TMEM244: variants seen among roughly 807,000 people sequenced by gnomAD.
TMEM244 encodes transmembrane protein 244.
TMEM244 carries 13 observed loss-of-function variants against 15.8 expected under a neutral mutation model. The observed-to-expected ratio is 0.82, with a 90% confidence interval of 0.53 to 1.30. The LOEUF (loss-of-function observed/expected upper bound fraction) is 1.30, where lower values mean the gene tolerates loss of function less well. TMEM244 is among the 50% of genes most tolerant of loss of function. TMEM244 has a pLI of 0.00. For missense variants in TMEM244, 161 were observed against 144.9 expected (o/e 1.11, Z -0.57); for synonymous variants, 45 against 48.7 (o/e 0.92, Z 0.32).
intron 3 of TMEM244, among the ~76,000 whole-genome samples, chr6:129,843,276 C>T (rs7774412): frequency 0.36 from 53,899 of 151,778 alleles, 10,741 homozygotes; most frequent in Non-Finnish European, 0.47. Context: ...AAATTTACCC[C>T]CAATACAATG....
Position 129,832,093 on chromosome 6 carries a change from CT to C in TMEM244, c.320-708del, listed in dbSNP as rs1177577598. ...GTTCTTCAGTTGGAGACAGATTGTA[CT>C]TTTTTTTTTTTTTTTTTTTCTGAGA... On this transcript the variant is annotated intron_variant, in intron 4 of 4. Transcript: ENST00000368143. 3.1e-3 allele frequency among the ~76,000 whole-genome samples: 350 copies of C among 114,128 alleles called. 1 individual carries two copies. Among genetic ancestry groups the C allele is most frequent in the Middle Eastern group, 0.011 (2 of 188 alleles). The allele number at this position is 114,128 out of a possible 152,430, so 74.9% of individuals were successfully genotyped here.
intron 1 of TMEM244, among the ~76,000 whole-genome samples, chr6:129,850,123 G>GACTCA (rs1167947813): frequency 6.6e-6 from 1 of 152,104 alleles, no homozygotes; most frequent in Non-Finnish European, 1.5e-5. Context: ...GCCCTGCTCC[G>GACTCA]ACTCAACCCT....
chr6:129,851,228 G>A (rs976381168), intron 1 of TMEM244, among the ~76,000 whole-genome samples: 2 of 151,958 alleles, frequency 1.3e-5, no homozygotes, highest in Admixed American at 6.6e-5. Flanking sequence ...GTCCTGCCTC[G>A]CCTCCCACCC....
Position 129,861,312 on chromosome 6 carries a change from T to A in TMEM244, c.-124A>T. 1 of 1,105,164 alleles carries A rather than the reference T, an allele frequency of 9.0e-7. No individual in the cohort carries two copies. 68.5% of individuals were successfully genotyped at this position (1,105,164 alleles called of 1,614,324 possible). ...CCTGGAGACTAAGTGTGAGACGCAG[T>A]AGTGCAGGATGATTGGATTACGCAA... is the stretch of plus-strand genomic sequence containing the variant. On this transcript the variant is annotated 5_prime_UTR_variant, in exon 1 of 5. Coordinates refer to ENST00000368143, the MANE Select transcript of TMEM244 (RefSeq NM_001010876.2).
rs1776801276 is a variant in TMEM244 at position 129,861,038 on chromosome 6, C to T, written c.33+118G>A. On this transcript the variant is annotated intron_variant, in intron 1 of 4. Transcript: ENST00000368143. ...GCAGCAGAATGTTTTCTGTATGGTA[C>T]CCAGCCAAAAGTGAAACAAGTTGCC... 7.2e-6 allele frequency: 8 copies of T among 1,115,950 alleles called. No individual in the cohort carries two copies. The South Asian group carries it at 9.9e-5, about 14-fold the overall frequency. The allele number at this position is 1,115,950 out of a possible 1,614,324, so 69.1% of individuals were successfully genotyped here.
At chr6:129,843,743 G>A in intron 2 of TMEM244, 140 bp from the exon 3 acceptor site, 1 of 543,792 alleles carries the variant, frequency 1.8e-6, no homozygotes, top group Non-Finnish European at 3.3e-6. Flanking sequence ...AAAACTGGCT[G>A]GAATGTGAAG....
chr6:129,852,604 AGGGACCAGAGGATGT>A, intron 1 of TMEM244, among the ~76,000 whole-genome samples: 1 of 152,302 alleles, frequency 6.6e-6, no homozygotes, highest in East Asian at 1.9e-4. Context: ...GCAAAGTCCT[AGGGACCAGAGGATGT>A]GTTGTTCTGC....
rs559106805 is a variant in TMEM244 at position 129,839,317 on chromosome 6, A to C, written c.193+4213T>G. Among the ~76,000 whole-genome samples, 3 of 152,366 alleles carry C rather than the reference A, an allele frequency of 2.0e-5. No individual in the cohort carries two copies. In the South Asian group the frequency reaches 6.2e-4, roughly 32 times the overall value. On this transcript the variant is annotated intron_variant, in intron 3 of 4. Transcript: ENST00000368143. ...GTAATCCATCATGTAAACAGAACCA[A>C]TGACAAAAACCACATGATTGTCTCA...
chr6:129,837,294 T>C (rs1187012346), intron 3 of TMEM244, among the ~76,000 whole-genome samples: 4 of 152,204 alleles, frequency 2.6e-5, no homozygotes, highest in Admixed American at 1.3e-4. Flanking sequence ...AAAAGAATTT[T>C]CAACCCAGAA....
chr6:129,848,147 C>G (rs957480984), intron 1 of TMEM244, among the ~76,000 whole-genome samples: 1 of 152,156 alleles, frequency 6.6e-6, no homozygotes, highest in South Asian at 2.1e-4. Context: ...CCTTGGTCCC[C>G]TCCTGTCCAT....
chr6:129,861,166 G>T lies in TMEM244; in HGVS notation c.23C>A (p.Ala8Asp). 1 of 1,613,812 alleles carries T rather than the reference G, an allele frequency of 6.2e-7. No individual in the cohort carries two copies. Among genetic ancestry groups the T allele is most frequent in the Admixed American group, 1.7e-5 (1 of 60,002 alleles). The change falls in exon 1 of 5, where the codon GCT becomes GAT. Residue 8 changes from alanine to aspartate, a missense_variant. Transcript: ENST00000368143. ...GTAATTTCTCTTTACCTTGCTTGGA[G>T]CAACTCTGACCTGGAGAGCCATGTA... Reference protein sequence around the residue: MALQVRVAPSKVVLQKFL... With the variant: MALQVRVDPSKVVLQKFL...
intron 1 of TMEM244, among the ~76,000 whole-genome samples, chr6:129,857,977 G>A (rs969898443): frequency 6.6e-6 from 1 of 151,896 alleles, no homozygotes; most frequent in African/African-American, 2.4e-5. Context: ...ATGAAGATGA[G>A]TGAAGATGGT....
intron 1 of TMEM244, among the ~76,000 whole-genome samples, chr6:129,855,492 CA>C (rs1450645032): frequency 1.3e-5 from 2 of 152,130 alleles, no homozygotes; most frequent in Non-Finnish European, 2.9e-5. Context: ...TCCTATAATT[CA>C]AAACTATTAC....
chr6:129,840,018 A>C (rs1274462736), intron 3 of TMEM244, among the ~76,000 whole-genome samples: 1 of 152,222 alleles, frequency 6.6e-6, no homozygotes, highest in Non-Finnish European at 1.5e-5. Flanking sequence ...AGTAATTTAT[A>C]GATTCAATGC....
intron 2 of TMEM244, among the ~76,000 whole-genome samples, chr6:129,844,510 A>T (rs1776536423): frequency 6.6e-6 from 1 of 152,188 alleles, no homozygotes; most frequent in African/African-American, 2.4e-5. Flanking sequence ...TCCTGTTCTA[A>T]AATCTGAGTC....
chr6:129,858,293 G>C (rs1442232099), intron 1 of TMEM244, among the ~76,000 whole-genome samples: 2 of 152,122 alleles, frequency 1.3e-5, no homozygotes, highest in South Asian at 2.1e-4. Context: ...AGCATTGGGA[G>C]TATATGATCT....
At chr6:129,858,423 A>G (rs1776749021) in intron 1 of TMEM244, among the ~76,000 whole-genome samples, 2 of 152,158 alleles carry the variant, frequency 1.3e-5, no homozygotes, top group African/African-American at 4.8e-5. Flanking sequence ...GAATGTTCCC[A>G]TTGCCTACAG....
chr6:129,841,800 T>C (rs9321188), intron 3 of TMEM244, among the ~76,000 whole-genome samples: 128,077 of 151,978 alleles, frequency 0.84, 54,670 homozygotes, highest in African/African-American at 0.9. Flanking sequence ...CTTACTAAAA[T>C]TGATCTCCTG....
chr6:129,847,674 C>T (rs992045045), intron 1 of TMEM244, among the ~76,000 whole-genome samples: 1 of 152,126 alleles, frequency 6.6e-6, no homozygotes, highest in African/African-American at 2.4e-5. Flanking sequence ...TGCCTATGTC[C>T]ACCCCTAGCC....
Sources: allele counts gnomAD v4.1 joint callset (sites outside exome capture counted in the v4.1 genomes callset), GRCh38; gene constraint gnomAD v4.1.1; transcripts MANE v1.5; gene names NCBI Gene and HGNC (gene_info 2026-07-23, HGNC 2026-07-21).